MTDH: variants seen among roughly 807,000 people sequenced by gnomAD.
MTDH encodes the protein protein LYRIC.
Under a neutral mutation model 72.7 loss-of-function variants are expected in MTDH, and 34 were observed. The ratio of observed to expected loss-of-function variants is 0.47; its 90% CI spans 0.36 to 0.62. The LOEUF (loss-of-function observed/expected upper bound fraction) is 0.62, where lower values mean the gene tolerates loss of function less well. MTDH is among the 20% of genes least tolerant of loss of function. The pLI is 0.00. For missense variants in MTDH, 677 were observed against 699.4 expected (o/e 0.97, Z 0.36); for synonymous variants, 266 against 268.9 (o/e 0.99, Z 0.10).
At chr8:97,657,011 G>A (rs1389917926) in intron 1 of MTDH, among the ~76,000 whole-genome samples, 3 of 151,778 alleles carry the variant, frequency 2.0e-5, no homozygotes, top group Non-Finnish European at 4.4e-5. Flanking sequence ...GGAATTGTAT[G>A]AAATTAATAA....
chr8:97,648,301 T>C (rs1322914062), intron 1 of MTDH, among the ~76,000 whole-genome samples: 1 of 151,804 alleles, frequency 6.6e-6, no homozygotes, highest in Non-Finnish European at 1.5e-5. Context: ...TTGGAAATTA[T>C]TATCTTGTAT....
chr8:97,700,144 G>A (rs1814047989), intron 7 of MTDH, among the ~76,000 whole-genome samples: 1 of 151,830 alleles, frequency 6.6e-6, no homozygotes, highest in African/African-American at 2.4e-5. Context: ...CTCCTCCTAG[G>A]TAGTATAATA....
At chr8:97,716,243 G>C (rs930560801) in intron 9 of MTDH, among the ~76,000 whole-genome samples, 1 of 151,476 alleles carries the variant, frequency 6.6e-6, no homozygotes, top group African/African-American at 2.4e-5. Flanking sequence ...AGCATTAACC[G>C]GGCATGGTTG....
intron 8 of MTDH, among the ~76,000 whole-genome samples, chr8:97,707,183 G>C (rs1278774581): frequency 2.1e-5 from 3 of 144,766 alleles, no homozygotes; most frequent in African/African-American, 7.6e-5. Flanking sequence ...ACAGATTCTT[G>C]TTGTGCTGCC....
intron 1 of MTDH, among the ~76,000 whole-genome samples, chr8:97,648,865 A>G (rs1811661225): frequency 6.6e-6 from 1 of 152,226 alleles, no homozygotes; most frequent in Non-Finnish European, 1.5e-5. Context: ...CAACAAAAGT[A>G]TTTATACAGC....
intron 7 of MTDH, among the ~76,000 whole-genome samples, chr8:97,701,961 C>T (rs1814149440): frequency 6.6e-6 from 1 of 152,158 alleles, no homozygotes; most frequent in Non-Finnish European, 1.5e-5. Flanking sequence ...TCCAGAGTTT[C>T]TCTTTAACAT....
intron 2 of MTDH, among the ~76,000 whole-genome samples, chr8:97,680,136 A>G (rs1393360243): frequency 6.6e-6 from 1 of 152,030 alleles, no homozygotes; most frequent in East Asian, 1.9e-4. Context: ...GCAGTGGTGC[A>G]ATCTTGGCTC....
At chr8:97,724,475 C>G in intron 11 of MTDH, 125 bp from the exon 12 acceptor site, 1 of 643,616 alleles carries the variant, frequency 1.6e-6, no homozygotes, top group Non-Finnish European at 2.5e-6. Context: ...GGCTTGAAAA[C>G]TTAAACATAA....
rs1267723737 is a variant in MTDH at position 97,682,262 on chromosome 8, A to T, written c.484-4406A>T. ...TATATATATATATATATATATATAT[A>T]TATATATATATATATATATTTTTTT... On this transcript the variant is annotated intron_variant, in intron 2 of 11. Coordinates refer to ENST00000336273, the MANE Select transcript of MTDH (RefSeq NM_178812.4). Among the ~76,000 whole-genome samples the T allele has an allele frequency of 3.9e-3, 21 of 5,418 alleles. No homozygotes were observed. The East Asian group carries it at 0.074, about 19-fold the overall frequency. 3.6% of individuals were successfully genotyped at this position (5,418 alleles called of 152,430 possible).
Position 97,655,423 on chromosome 8 carries a change from C to T in MTDH, c.382-5649C>T, listed in dbSNP as rs573846440. 1.1e-3 allele frequency among the ~76,000 whole-genome samples: 160 copies of T among 152,272 alleles called. 1 individual carries two copies. The South Asian group carries it at 0.015, about 14-fold the overall frequency. On this transcript the variant is annotated intron_variant, in intron 1 of 11. Transcript: ENST00000336273. ...AAGAAAGATAACATTACAATGCTGCCTCTAGAGCAAGCCTGGACTATTTTA... is the reference window on the plus strand; with the variant it reads ...AAGAAAGATAACATTACAATGCTGCTTCTAGAGCAAGCCTGGACTATTTTA...
rs769655674 is a variant in MTDH, at chr8:97,644,831, C to T, written c.325C>T (p.Leu109Phe). The T allele has an allele frequency of 3.8e-6, 6 of 1,578,244 alleles. No homozygotes were observed. Among genetic ancestry groups the T allele is most frequent in the Non-Finnish European group, 5.1e-6 (6 of 1,169,220 alleles). ...CGACGACCTGGCCTTGCTGAAGAAT[C>T]TCCGGAGCGAGGAACAGAAGAAGAA... is the stretch of plus-strand genomic sequence containing the variant. Reference protein sequence around the residue: ...APDDLALLKNLRSEEQKKKNR... With the variant: ...APDDLALLKNFRSEEQKKKNR... The change falls in exon 1 of 12, where the codon CTC (leucine) becomes TTC (phenylalanine). Residue 109 changes from leucine to phenylalanine, a missense_variant. This residue lies in a region of MTDH where 467 missense variants were observed against 469.1 expected (regional missense o/e 1.00). Coordinates refer to ENST00000336273, the MANE Select transcript of MTDH (RefSeq NM_178812.4).
intron 6 of MTDH, among the ~76,000 whole-genome samples, chr8:97,697,119 C>CAAAA (rs1176302781): frequency 7.9e-5 from 5 of 63,054 alleles, no homozygotes; most frequent in African/African-American, 6.1e-4. Flanking sequence ...CTCTGTCTCA[C>CAAAA]AAAAAAAAAA....
chr8:97,655,674 A>G lies in MTDH; in HGVS notation c.382-5398A>G, dbSNP rs151021562. 2.4e-4 allele frequency among the ~76,000 whole-genome samples: 36 copies of G among 152,314 alleles called. 1 individual carries two copies. The East Asian group carries it at 6.8e-3, about 29-fold the overall frequency. ...TTGGAGAGAAAAGGGTAGACGGGCC[A>G]GGTGCAGTGGCTTATACCTGTAATC... On this transcript the variant is annotated intron_variant, in intron 1 of 11. Transcript: ENST00000336273.
intron 6 of MTDH, among the ~76,000 whole-genome samples, chr8:97,693,344 T>C (rs1159448267): frequency 2.0e-5 from 3 of 152,108 alleles, no homozygotes; most frequent in African/African-American, 4.8e-5. Context: ...TGTTTGCTTG[T>C]TTGTTTGTTT....
chr8:97,707,663 G>A (rs140442720), intron 8 of MTDH, among the ~76,000 whole-genome samples: 221 of 151,960 alleles, frequency 1.5e-3, no homozygotes, highest in Middle Eastern at 0.01. Context: ...TTTATTTGTA[G>A]GAACTAATGC....
At chr8:97,661,405 T>C (rs1033658370) in intron 2 of MTDH, among the ~76,000 whole-genome samples, 1 of 152,166 alleles carries the variant, frequency 6.6e-6, no homozygotes, top group African/African-American at 2.4e-5. Context: ...CAATACTAAA[T>C]ATTCATTATA....
intron 1 of MTDH, 77 bp from the exon 2 acceptor site, chr8:97,660,995 A>G (rs1246365693): frequency 1.1e-5 from 12 of 1,138,250 alleles, no homozygotes; most frequent in South Asian, 1.4e-5. Flanking sequence ...TGTAGTATAT[A>G]TGGTTTCCTG....
At position 97,687,415 on chromosome 8, in the gene MTDH, TGGGGC is replaced by T. The variant is rs1490186829; in HGVS notation, c.569-13_569-9del. On this transcript the variant is annotated splice_polypyrimidine_tract_variant and intron_variant, in intron 3 of 11. Transcript: ENST00000336273. ...CCCTTACTGAATAACATTTTTTTTC[TGGGGC>T]TATGTCAGGAGCCTGGGAAACTAAA... 8 of 1,568,796 alleles carry T rather than the reference TGGGGC, an allele frequency of 5.1e-6. No individual in the cohort carries two copies. Among genetic ancestry groups the T allele is most frequent in the Admixed American group, 1.9e-5 (1 of 51,824 alleles).
rs1174751916 is a variant in MTDH, at chr8:97,728,676, C to T, written c.*4006C>T. 3 of 147,760 alleles carry T rather than the reference C, an allele frequency of 2.0e-5. No homozygotes were observed. The highest frequency in any genetic ancestry group is 4.4e-5 in the Non-Finnish European group (3 of 67,736). 9.2% of individuals were successfully genotyped at this position (147,760 alleles called of 1,614,324 possible). A position where few individuals can be genotyped will look rare whatever the true frequency, so the allele number is the denominator to read the frequency against. On this transcript the variant is annotated 3_prime_UTR_variant, in exon 12 of 12. Transcript: ENST00000336273. ...GTGGCTCATGCCTGTAATCCAAGCT[C>T]TTTGGGAGGCCAACGCGGGAGGATT...
Sources: allele counts gnomAD v4.1 joint callset (sites outside exome capture counted in the v4.1 genomes callset), GRCh38; gene constraint gnomAD v4.1.1; regional missense constraint gnomAD v4.1.1; transcripts MANE v1.5; gene names NCBI Gene and HGNC (gene_info 2026-07-23, HGNC 2026-07-21).